GRPR: variants seen among roughly 807,000 people sequenced by gnomAD.
GRPR encodes the protein gastrin-releasing peptide receptor.
GRPR carries 4 observed loss-of-function variants against 15.6 expected under a neutral mutation model. The observed-to-expected ratio is 0.26, with a 90% CI of 0.13 to 0.59. GRPR has a LOEUF of 0.59. Among genes scored for constraint, GRPR ranks in the 20% least tolerant of loss-of-function variants. The pLI, the probability that GRPR is intolerant of heterozygous loss-of-function variation, is 0.90. For synonymous variants in GRPR, 128 were observed against 126.8 expected, an observed-to-expected ratio of 1.01 and a Z score of -0.06; for missense variants, 270 against 304.1, an observed-to-expected ratio of 0.89 and a Z score of 0.83.
intron 1 of GRPR, among the ~76,000 whole-genome samples, chrX:16,145,613 A>G (rs1361830722): frequency 8.9e-6 from 1 of 112,015 alleles, no homozygotes; most frequent in Non-Finnish European, 1.9e-5. Flanking sequence ...ATAGTCAATA[A>G]TAATTTAATT....
chrX:16,150,179 G>A (rs1922673183), intron 1 of GRPR, 126 bp from the exon 2 acceptor site: 2 of 522,437 alleles, frequency 3.8e-6, no homozygotes, highest in Non-Finnish European at 6.7e-6. Flanking sequence ...GGCACCCTCA[G>A]GACCCGAAAG....
chrX:16,132,213 C>T (rs567700850), intron 1 of GRPR, among the ~76,000 whole-genome samples: 11 of 112,373 alleles, frequency 9.8e-5, no homozygotes, highest in South Asian at 3.7e-4. Context: ...TCATGTTGCT[C>T]ATTACTTTTC....
In GRPR at chrX:16,151,528, G is replaced by A. The variant is rs1187896705; in HGVS notation, c.766-728G>A. Among the ~76,000 whole-genome samples the A allele has an allele frequency of 2.7e-5, 3 of 111,769 alleles. No homozygotes were observed. In the Admixed American group the frequency reaches 2.8e-4, roughly 11 times the overall value. On this transcript the variant is annotated intron_variant, in intron 2 of 2. Coordinates refer to ENST00000380289, the MANE Select transcript of GRPR (RefSeq NM_005314.3). ...TTTGTCTCAGTTGTGGGGGAAGAGTGGCAGTTTCTAATGAAACTACCTTCC... is the reference window on the plus strand; with the variant it reads ...TTTGTCTCAGTTGTGGGGGAAGAGTAGCAGTTTCTAATGAAACTACCTTCC...
At chrX:16,151,704 A>C (rs1922706845) in intron 2 of GRPR, among the ~76,000 whole-genome samples, 1 of 112,348 alleles carries the variant, frequency 8.9e-6, no homozygotes, top group African/African-American at 3.2e-5. Context: ...ACTATAGTCC[A>C]GAGATAACTC....
chrX:16,140,126 C>T lies in GRPR; in HGVS notation c.414-10179C>T, dbSNP rs149736512. 2.7e-3 allele frequency among the ~76,000 whole-genome samples: 298 copies of T among 111,637 alleles called. 1 individual carries two copies. Among genetic ancestry groups the T allele is most frequent in the African/African-American group, 8.3e-3 (255 of 30,716 alleles). ...CCTCACCAGCACTGCCAGGATCAACCTCCTGGGCCAGTGGTCCCAGTAAGC... is the reference window on the plus strand; with the variant it reads ...CCTCACCAGCACTGCCAGGATCAACTTCCTGGGCCAGTGGTCCCAGTAAGC... On this transcript the variant is annotated intron_variant, in intron 1 of 2. Coordinates refer to ENST00000380289, the MANE Select transcript of GRPR (RefSeq NM_005314.3).
At chrX:16,144,878 A>G (rs1465302395) in intron 1 of GRPR, among the ~76,000 whole-genome samples, 1 of 112,034 alleles carries the variant, frequency 8.9e-6, no homozygotes, top group Non-Finnish European at 1.9e-5. Context: ...CAAGTCACAT[A>G]CTAATCATCA....
intron 1 of GRPR, among the ~76,000 whole-genome samples, chrX:16,146,419 A>G (rs1043750060): frequency 1.8e-5 from 2 of 109,148 alleles, no homozygotes; most frequent in African/African-American, 6.7e-5. Flanking sequence ...TGTCTGCTTC[A>G]TTTTTTTTTC....
At chrX:16,152,117 T>C in intron 2 of GRPR, 139 bp from the exon 3 acceptor site, 1 of 561,946 alleles carries the variant, frequency 1.8e-6, no homozygotes, top group African/African-American at 2.2e-5. Flanking sequence ...TTGAACTCTT[T>C]TTCGGTGGCT....
At chrX:16,147,054 T>G (rs1207172674) in intron 1 of GRPR, among the ~76,000 whole-genome samples, 1 of 111,734 alleles carries the variant, frequency 8.9e-6, no homozygotes, top group Non-Finnish European at 1.9e-5. Flanking sequence ...GCTTAGTAAA[T>G]GGGATTTCTT....
At chrX:16,130,122 G>C (rs1164945697) in intron 1 of GRPR, among the ~76,000 whole-genome samples, 5 of 111,104 alleles carry the variant, frequency 4.5e-5, no homozygotes, top group Non-Finnish European at 9.4e-5. Context: ...TGCCTGTATT[G>C]TTCATTAAAT....
chrX:16,150,419 C>T lies in GRPR; in HGVS notation c.528C>T (p.Ala176=), dbSNP rs753452609. ...CCATGCTGCTGGCCATTCCAGAGGC[C>T]GTGTTTTCTGACCTCCATCCCTTCC... ...IISMLLAIPE[A]VFSDLHPFHE... is the part of the protein sequence containing the mutation. The change falls in exon 2 of 3, where the codon GCC becomes GCT. Residue 176 remains alanine, a synonymous_variant. Transcript: ENST00000380289. 4 of 1,205,217 alleles carry T rather than the reference C, an allele frequency of 3.3e-6. No individual in the cohort carries two copies. Among genetic ancestry groups the T allele is most frequent in the South Asian group, 3.5e-5 (2 of 56,646 alleles).
At chrX:16,136,518 C>T (rs1000791669) in intron 1 of GRPR, among the ~76,000 whole-genome samples, 4 of 111,838 alleles carry the variant, frequency 3.6e-5, no homozygotes, top group African/African-American at 6.5e-5. Flanking sequence ...GTGCTTAGTA[C>T]TGGAAGACCA....
chrX:16,137,422 T>G lies in GRPR; in HGVS notation c.414-12883T>G, dbSNP rs565976343. ...TTCCAATTTCCATGGGTGGCAGACA[T>G]GAGGGCAGGGCCTGGTAAATTGTTT... On this transcript the variant is annotated intron_variant, in intron 1 of 2. Coordinates refer to ENST00000380289, the MANE Select transcript of GRPR (RefSeq NM_005314.3). Among the ~76,000 whole-genome samples the G allele has an allele frequency of 4.1e-4, 46 of 111,957 alleles. 1 individual carries two copies. The South Asian group carries it at 0.017, about 42-fold the overall frequency.
At chrX:16,134,060 C>T (rs1015615696) in intron 1 of GRPR, among the ~76,000 whole-genome samples, 3 of 111,931 alleles carry the variant, frequency 2.7e-5, no homozygotes, top group Non-Finnish European at 5.7e-5. Context: ...GTTATCTTTG[C>T]TTTTACTAAG....
rs773401083 is a variant in GRPR, at chrX:16,150,330, G to T, written c.439G>T (p.Asp147Tyr). 8.3e-7 allele frequency: 1 copy of T among 1,201,612 alleles called. No homozygotes were observed. Among genetic ancestry groups the T allele is most frequent in the East Asian group, 3.0e-5 (1 of 33,820 alleles). ...ATACAAAGCCATTGTCCGGCCAATG[G>T]ATATCCAGGCCTCTCATGCCCTGAT... ...DRYKAIVRPM[D>Y]IQASHALMKI... The change falls in exon 2 of 3, where the codon GAT (aspartate) becomes TAT (tyrosine). Residue 147 changes from aspartate (D) to tyrosine (Y), a missense_variant. Physicochemically the swap from Asp to Tyr is radical, Grantham distance 160. Around this residue, in one of 3 missense-constraint regions of GRPR, gnomAD observed 115 missense variants for 128.8 expected, o/e 0.89. Transcript: ENST00000380289.
At chrX:16,134,889 T>A (rs750814792) in intron 1 of GRPR, among the ~76,000 whole-genome samples, 1 of 111,619 alleles carries the variant, frequency 9.0e-6, no homozygotes, top group Non-Finnish European at 1.9e-5. Context: ...ATTTCTCTGA[T>A]GTTTTCAAAT....
At chrX:16,136,600 A>T (rs1482491742) in intron 1 of GRPR, among the ~76,000 whole-genome samples, 1 of 112,182 alleles carries the variant, frequency 8.9e-6, no homozygotes, top group Non-Finnish European at 1.9e-5. Flanking sequence ...GCTGTGTGAG[A>T]TGGAAAATGA....
At chrX:16,128,865 A>C (rs1401483613) in intron 1 of GRPR, among the ~76,000 whole-genome samples, 1 of 112,103 alleles carries the variant, frequency 8.9e-6, no homozygotes, top group Non-Finnish European at 1.9e-5. Flanking sequence ...CCTTTGTGCT[A>C]GGTGCCTCAT....
At chrX:16,127,177 C>T (rs1299935634) in intron 1 of GRPR, among the ~76,000 whole-genome samples, 1 of 111,455 alleles carries the variant, frequency 9.0e-6, no homozygotes, top group East Asian at 2.8e-4. Context: ...GAGTGGGGCA[C>T]ATAGTGATAA....
Sources: allele counts gnomAD v4.1 joint callset (sites outside exome capture counted in the v4.1 genomes callset), GRCh38; gene constraint gnomAD v4.1.1; regional missense constraint gnomAD v4.1.1; transcripts MANE v1.5; gene names NCBI Gene and HGNC (gene_info 2026-07-23, HGNC 2026-07-21).